Variants in ZFP14 observed in about 807,000 individuals in gnomAD.
ZFP14 encodes the protein zinc finger protein 14 homolog.
In ZFP14, 22 loss-of-function variants were observed where a neutral mutation model predicts 54.5. The ratio of observed to expected loss-of-function variants is 0.40; its 90% CI spans 0.29 to 0.58. The LOEUF (loss-of-function observed/expected upper bound fraction) is 0.58, where lower values mean the gene tolerates loss of function less well. ZFP14 is among the 20% of genes least tolerant of loss of function. The pLI, the probability that ZFP14 is intolerant of heterozygous loss-of-function variation, is 0.39. For synonymous variants in ZFP14, 159 were observed against 204.0 expected (o/e 0.78, Z 1.88); for missense variants, 470 against 637.8 (o/e 0.74, Z 2.83).
In ZFP14 at chr19:36,337,158, A is replaced by G. The variant is rs1399676868; in HGVS notation, c.*3066T>C. The G allele has an allele frequency of 6.6e-6, 1 of 152,192 alleles. No individual in the cohort carries two copies. The highest frequency in any genetic ancestry group is 1.5e-5 in the Non-Finnish European group (1 of 68,028). 9.4% of individuals were successfully genotyped at this position (152,192 alleles called of 1,614,324 possible). A position where few individuals can be genotyped will look rare whatever the true frequency, so the allele number is the denominator to read the frequency against. The stretch of plus-strand genomic sequence containing the variant: ...AAAATGGCTTTTTATGTTTTGTTCA[A>G]ACCAGGTCCAAGTAATGCCAACATA... On this transcript the variant is annotated 3_prime_UTR_variant, in exon 5 of 5. Coordinates refer to ENST00000270001, the MANE Select transcript of ZFP14 (RefSeq NM_020917.3).
intron 4 of ZFP14, among the ~76,000 whole-genome samples, chr19:36,357,702 G>T (rs12974922): frequency 1.3e-5 from 2 of 151,690 alleles, no homozygotes; most frequent in African/African-American, 4.8e-5. Flanking sequence ...ATAACATACT[G>T]TCTTGATCAC....
At chr19:36,355,659 G>A (rs1334789706) in intron 4 of ZFP14, among the ~76,000 whole-genome samples, 1 of 138,658 alleles carries the variant, frequency 7.2e-6, no homozygotes, top group African/African-American at 2.7e-5. Flanking sequence ...CTCCAGCCTG[G>A]GCAACACAGT....
intron 4 of ZFP14, among the ~76,000 whole-genome samples, chr19:36,349,976 A>G (rs146594799): frequency 7.1e-6 from 1 of 140,352 alleles, no homozygotes; most frequent in Non-Finnish European, 1.6e-5. Flanking sequence ...CATGGCCAGC[A>G]TGGTGAAACC....
At position 36,347,274 on chromosome 19, in the gene ZFP14, G is replaced by T. The variant is rs527911888; in HGVS notation, c.236-5684C>A. Among the ~76,000 whole-genome samples the T allele has an allele frequency of 2.4e-4, 36 of 152,254 alleles. 1 individual carries two copies. In the South Asian group the frequency reaches 7.0e-3, roughly 30 times the overall value. On this transcript the variant is annotated intron_variant, in intron 4 of 4. Transcript: ENST00000270001. ...ACAGAATATTTTGAAAATTATAAGG[G>T]ACTACTATGACAACCAAGGCTAATT...
At chr19:36,369,556 G>A (rs927645277) in intron 1 of ZFP14, among the ~76,000 whole-genome samples, 9 of 151,740 alleles carry the variant, frequency 5.9e-5, no homozygotes, top group Admixed American at 3.3e-4. Flanking sequence ...GATTACAGGC[G>A]CCTGCCACTA....
intron 4 of ZFP14, among the ~76,000 whole-genome samples, chr19:36,342,434 G>A (rs1176858188): frequency 3.3e-5 from 5 of 151,572 alleles, no homozygotes; most frequent in African/African-American, 7.3e-5. Context: ...TGATCCGCCC[G>A]CCTCAGCCTT....
intron 4 of ZFP14, among the ~76,000 whole-genome samples, chr19:36,358,099 CT>C (rs1283157920): frequency 2.3e-4 from 33 of 143,722 alleles, no homozygotes; most frequent in African/African-American, 6.8e-4. Flanking sequence ...TATCATCTAT[CT>C]ATCTATCTAT....
At chr19:36,369,334 T>G (rs1398212695) in intron 1 of ZFP14, among the ~76,000 whole-genome samples, 1 of 152,228 alleles carries the variant, frequency 6.6e-6, no homozygotes, top group Non-Finnish European at 1.5e-5. Context: ...TCAAATCAGT[T>G]AAGTTGCCAA....
At chr19:36,366,507 C>T (rs12459465) in intron 2 of ZFP14, among the ~76,000 whole-genome samples, 103,141 of 151,814 alleles carry the variant, frequency 0.68, 35,302 homozygotes, top group African/African-American at 0.76. Flanking sequence ...TGTAGAGACA[C>T]GGTTTTGCCT....
chr19:36,351,656 T>G (rs2031527453), intron 4 of ZFP14, among the ~76,000 whole-genome samples: 1 of 138,534 alleles, frequency 7.2e-6, no homozygotes, highest in Admixed American at 7.4e-5. Flanking sequence ...AGACCAAGAG[T>G]TTGAGACCAG....
At chr19:36,356,436 A>G (rs945382974) in intron 4 of ZFP14, among the ~76,000 whole-genome samples, 4 of 152,078 alleles carry the variant, frequency 2.6e-5, no homozygotes, top group South Asian at 2.1e-4. Flanking sequence ...AAAAAAAAAA[A>G]AAAGAAAGAA....
At chr19:36,347,982 C>T (rs532798354) in intron 4 of ZFP14, among the ~76,000 whole-genome samples, 6 of 152,122 alleles carry the variant, frequency 3.9e-5, no homozygotes, top group South Asian at 2.1e-4. Context: ...CTCTTGAACC[C>T]GGGAGGTGGA....
In ZFP14 at chr19:36,335,538, T is replaced by G. The variant is rs1392031788; in HGVS notation, c.*4686A>C. ...TAGGATTATCTATTCCTTAAAGTTT[T>G]TATAAGTATCAGATTTTTTAAACAG... is the stretch of plus-strand genomic sequence containing the variant. On this transcript the variant is annotated 3_prime_UTR_variant, in exon 5 of 5. Transcript: ENST00000270001. 1 of 151,972 alleles carries G rather than the reference T, an allele frequency of 6.6e-6. No homozygotes were observed. Among genetic ancestry groups the G allele is most frequent in the Non-Finnish European group, 1.5e-5 (1 of 68,018 alleles). The allele number at this position is 151,972 out of a possible 1,614,324, so 9.4% of individuals were successfully genotyped here.
chr19:36,349,818 T>C (rs948569964), intron 4 of ZFP14, among the ~76,000 whole-genome samples: 1 of 150,434 alleles, frequency 6.6e-6, no homozygotes, highest in African/African-American at 2.4e-5. Context: ...AATAGAGACA[T>C]GGATTTGAAG....
chr19:36,374,731 T>C (rs1404779000), intron 1 of ZFP14, among the ~76,000 whole-genome samples: 2 of 152,004 alleles, frequency 1.3e-5, no homozygotes, highest in Non-Finnish European at 2.9e-5. Context: ...GTGAAACTAT[T>C]TTGACAGAAA....
intron 4 of ZFP14, among the ~76,000 whole-genome samples, chr19:36,359,707 T>C (rs947434691): frequency 1.3e-5 from 2 of 152,082 alleles, no homozygotes; most frequent in Admixed American, 6.6e-5. Context: ...CAGGCTGGAG[T>C]GCAGTGGCGT....
At chr19:36,349,652 G>A (rs1431083461) in intron 4 of ZFP14, among the ~76,000 whole-genome samples, 1 of 143,146 alleles carries the variant, frequency 7.0e-6, no homozygotes, top group Non-Finnish European at 1.5e-5. Flanking sequence ...GGGTCGCAGA[G>A]CAAGACTCTG....
At chr19:36,356,669 C>T (rs769044963) in intron 4 of ZFP14, among the ~76,000 whole-genome samples, 11 of 152,238 alleles carry the variant, frequency 7.2e-5, no homozygotes, top group Non-Finnish European at 1.2e-4. Context: ...CCCTTGGAAA[C>T]CACTAATTTG....
chr19:36,341,640 G>GA lies in ZFP14; in HGVS notation c.236-51dup. 1 of 1,490,948 alleles carries GA rather than the reference G, an allele frequency of 6.7e-7. No individual in the cohort carries two copies. The highest frequency in any genetic ancestry group is 1.4e-5 in the South Asian group (1 of 70,176). The allele number at this position is 1,490,948 out of a possible 1,614,324, so 92.4% of individuals were successfully genotyped here. A position where few individuals can be genotyped will look rare whatever the true frequency, so the allele number is the denominator to read the frequency against. ...ACATACTGTTTTCCTGTTCCAGAAA[G>GA]AAAAAACAAACAAACAAAAAAACCA... On this transcript the variant is annotated intron_variant, in intron 4 of 4. Transcript: ENST00000270001. The surrounding 1 kb of genome is among the most constrained non-coding windows in gnomAD (Gnocchi z 4.2).
Sources: gnomAD v4.1 joint callset for allele counts (sites outside exome capture counted in the v4.1 genomes callset) on GRCh38, gnomAD v4.1.1 for gene constraint, Gnocchi (gnomAD v3.1) non-coding constraint, MANE v1.5 for transcripts, NCBI Gene and HGNC (gene_info 2026-07-23, HGNC 2026-07-21) for gene names.